The following ADGRL3 variants were observed in gnomAD, a reference collection of about 807,000 sequenced individuals.
ADGRL3 encodes calcium-independent alpha-latrotoxin receptor 3.
A neutral mutation model predicts 153.5 loss-of-function variants in ADGRL3; 62 were observed. That is an observed-to-expected ratio of 0.40 (90% CI 0.33 to 0.50). The LOEUF (loss-of-function observed/expected upper bound fraction) is 0.50, where lower values mean the gene tolerates loss of function less well. Ranked by LOEUF, ADGRL3 falls within the 20% of genes least tolerant of loss-of-function variation. The pLI is 0.47. For missense variants in ADGRL3, 1,641 were observed against 1,859.4 expected (o/e 0.88, Z 2.16); for synonymous variants, 710 against 672.5 (o/e 1.06, Z -0.86).
At chr4:61,841,920 G>A (rs1021976142) in intron 9 of ADGRL3, among the ~76,000 whole-genome samples, 9 of 152,166 alleles carry the variant, frequency 5.9e-5, no homozygotes, top group Admixed American at 2.6e-4. Flanking sequence ...ATAAATGACC[G>A]AAATTTGGCT....
chr4:61,671,074 C>T (rs912374813), intron 5 of ADGRL3, among the ~76,000 whole-genome samples: 1 of 152,170 alleles, frequency 6.6e-6, no homozygotes, highest in African/African-American at 2.4e-5. Flanking sequence ...GACTCTCCCT[C>T]TCTATCTGCC....
chr4:61,557,148 A>G (rs1247029260), intron 4 of ADGRL3, among the ~76,000 whole-genome samples: 1 of 152,160 alleles, frequency 6.6e-6, no homozygotes, highest in South Asian at 2.1e-4. Context: ...TTTCAGGTGA[A>G]AAGTTTATAA....
At chr4:61,929,198 T>C (rs1032344910) in intron 13 of ADGRL3, among the ~76,000 whole-genome samples, 3 of 152,140 alleles carry the variant, frequency 2.0e-5, no homozygotes, top group Admixed American at 6.5e-5. Flanking sequence ...TGAATGGTAC[T>C]AGTGCCCTTA....
At chr4:61,528,532 G>C (rs1477431364) in intron 4 of ADGRL3, among the ~76,000 whole-genome samples, 1 of 152,078 alleles carries the variant, frequency 6.6e-6, no homozygotes, top group African/African-American at 2.4e-5. Context: ...GGAGATACGT[G>C]CCACCATATG....
chr4:61,349,162 G>A, intron 1 of ADGRL3, among the ~76,000 whole-genome samples: 1 of 151,892 alleles, frequency 6.6e-6, no homozygotes, highest in East Asian at 1.9e-4. Context: ...TGTAAAATTG[G>A]CAGGACTAGT....
rs1033278145 is a variant in ADGRL3 at position 61,505,375 on chromosome 4, C to T, written c.55+8027C>T. Among the ~76,000 whole-genome samples the T allele has an allele frequency of 2.6e-5, 4 of 152,012 alleles. No individual in the cohort carries two copies. The East Asian group carries it at 5.8e-4, about 22-fold the overall frequency. ...TTTCTCCCATTCTTGTGGGTTGTCT[C>T]CTCACTTTTTTATTGTTATTATGAC... On this transcript the variant is annotated intron_variant, in intron 3 of 26. Coordinates refer to ENST00000683033, the MANE Select transcript of ADGRL3 (RefSeq NM_001387552.1).
intron 6 of ADGRL3, among the ~76,000 whole-genome samples, chr4:61,717,196 A>G (rs375722761): frequency 1.6e-4 from 17 of 106,980 alleles, no homozygotes; most frequent in East Asian, 1.5e-3. Context: ...CACATAGTTT[A>G]TGTGTGTGTG....
At chr4:61,820,960 TA>T (rs1386262354) in intron 9 of ADGRL3, among the ~76,000 whole-genome samples, 2 of 152,150 alleles carry the variant, frequency 1.3e-5, no homozygotes, top group Admixed American at 1.3e-4. Flanking sequence ...GAATTTGTGT[TA>T]AAGGTAAATC....
At chr4:61,621,871 G>A (rs564652814) in intron 5 of ADGRL3, among the ~76,000 whole-genome samples, 6 of 152,004 alleles carry the variant, frequency 3.9e-5, no homozygotes, top group Non-Finnish European at 5.9e-5. Context: ...GGAGAAAAAG[G>A]CAATTAATCC....
chr4:61,435,653 A>G (rs573130571), intron 2 of ADGRL3, among the ~76,000 whole-genome samples: 2 of 150,924 alleles, frequency 1.3e-5, no homozygotes, highest in Admixed American at 7.1e-5. Flanking sequence ...GTATTGTCCA[A>G]TATGTTACCT....
intron 1 of ADGRL3, among the ~76,000 whole-genome samples, chr4:61,216,895 C>T (rs1743049686): frequency 6.6e-6 from 1 of 152,140 alleles, no homozygotes; most frequent in Non-Finnish European, 1.5e-5. Flanking sequence ...TGCACACTGT[C>T]TAGATTTGTA....
chr4:61,391,198 C>T (rs1334812261), intron 2 of ADGRL3, among the ~76,000 whole-genome samples: 1 of 152,106 alleles, frequency 6.6e-6, no homozygotes, highest in Admixed American at 6.6e-5. Context: ...AAGCATGGCC[C>T]CGGCATCTGT....
intron 13 of ADGRL3, among the ~76,000 whole-genome samples, chr4:61,914,138 T>C (rs762710433): frequency 2.0e-5 from 3 of 152,138 alleles, no homozygotes; most frequent in Non-Finnish European, 4.4e-5. Context: ...GGATATACTC[T>C]CGTTCTGGAA....
At chr4:61,269,243 T>C (rs2093022841) in intron 1 of ADGRL3, among the ~76,000 whole-genome samples, 1 of 151,708 alleles carries the variant, frequency 6.6e-6, no homozygotes, top group African/African-American at 2.4e-5. Flanking sequence ...TCTTTTTCTC[T>C]CTTTTTAATA....
chr4:62,067,658 G>GA (rs903212995), intron 25 of ADGRL3, among the ~76,000 whole-genome samples: 1 of 151,864 alleles, frequency 6.6e-6, no homozygotes, highest in Non-Finnish European at 1.5e-5. Context: ...CATAAGGCGG[G>GA]AAAAAATGAA....
chr4:61,503,065 A>G (rs2098402769), intron 3 of ADGRL3, among the ~76,000 whole-genome samples: 1 of 152,208 alleles, frequency 6.6e-6, no homozygotes, highest in Non-Finnish European at 1.5e-5. Context: ...CTGAGATTTA[A>G]AATAGGTATT....
At chr4:61,895,615 A>C (rs2098626098) in intron 10 of ADGRL3, 116 bp from the exon 11 acceptor site, 1 of 581,650 alleles carries the variant, frequency 1.7e-6, no homozygotes, top group African/African-American at 1.9e-5. Flanking sequence ...TGGTGTTTTA[A>C]TAAACATTAT....
At chr4:62,055,022 G>T (rs1458656488) in intron 25 of ADGRL3, among the ~76,000 whole-genome samples, 1 of 151,722 alleles carries the variant, frequency 6.6e-6, no homozygotes. Flanking sequence ...AAAGTGAATT[G>T]TATAAACAGG....
intron 9 of ADGRL3, among the ~76,000 whole-genome samples, chr4:61,866,419 A>G (rs1408748962): frequency 2.0e-5 from 3 of 152,116 alleles, no homozygotes; most frequent in Admixed American, 6.6e-5. Context: ...TGTGTTCTTC[A>G]TGTTCACGCA....
Sources: allele counts gnomAD v4.1 joint callset (sites outside exome capture counted in the v4.1 genomes callset), GRCh38; gene constraint gnomAD v4.1.1; transcripts MANE v1.5; gene names NCBI Gene and HGNC (gene_info 2026-07-23, HGNC 2026-07-21).